TAC1: variants seen among roughly 807,000 people sequenced by gnomAD.
The protein encoded by TAC1 is tachykinin precursor 1.
In TAC1, 12 loss-of-function variants were observed where a neutral mutation model predicts 21.7. The ratio of observed to expected loss-of-function variants is 0.55; its 90% confidence interval spans 0.35 to 0.89. The LOEUF is 0.89. Among genes scored for constraint, TAC1 ranks in the 40% least tolerant of loss-of-function variants. The probability of loss-of-function intolerance (pLI) is 0.01; values close to 1 mark genes in which losing one functional copy is unlikely to be tolerated. For missense variants in TAC1, 128 were observed against 151.4 expected (o/e 0.85, Z 0.81); for synonymous variants, 52 against 52.0 (o/e 1.00, Z 0.00).
At position 97,733,908 on chromosome 7, in the gene TAC1, A is replaced by G. The variant is rs1789499665; in HGVS notation, c.220+89A>G. ...GAGTACCCCAGGGTCTCTCGCTCTG[A>G]ATAGAGATTTCCACTCCAAGAGGGG... On this transcript the variant is annotated intron_variant, in intron 3 of 6. Coordinates refer to ENST00000319273, the MANE Select transcript of TAC1 (RefSeq NM_003182.3). The G allele has an allele frequency of 2.2e-5, 29 of 1,303,406 alleles. 1 individual carries two copies. In the South Asian group the frequency reaches 3.6e-4, roughly 16 times the overall value. The allele number at this position is 1,303,406 out of a possible 1,614,324, so 80.7% of individuals were successfully genotyped here. A position where few individuals can be genotyped will look rare whatever the true frequency, so the allele number is the denominator to read the frequency against.
At chr7:97,737,028 T>G (rs1248850984) in intron 6 of TAC1, among the ~76,000 whole-genome samples, 1 of 152,006 alleles carries the variant, frequency 6.6e-6, no homozygotes, top group Non-Finnish European at 1.5e-5. Context: ...TCGTATGATA[T>G]AAAGGCTGCA....
intron 3 of TAC1, 37 bp from the exon 4 acceptor site, chr7:97,734,211 T>G (rs1562784257): frequency 6.2e-6 from 10 of 1,605,084 alleles, no homozygotes; most frequent in African/African-American, 1.3e-5. Flanking sequence ...GCACGGTCAG[T>G]GGAACATGTA....
At position 97,732,909 on chromosome 7, in the gene TAC1, T is replaced by C; in HGVS notation, c.123+174T>C. On this transcript the variant is annotated intron_variant, in intron 2 of 6. Coordinates refer to ENST00000319273, the MANE Select transcript of TAC1 (RefSeq NM_003182.3). The surrounding 1 kb of genome is among the most constrained non-coding windows in gnomAD (Gnocchi z 6.2). ...TATTTCCCGGGTTCCCCACGGGATT[T>C]TGTGCCCACGATTCAAGTTTCTTCC... The C allele has an allele frequency of 2.3e-6, 2 of 875,928 alleles. No individual in the cohort carries two copies. Among genetic ancestry groups the C allele is most frequent in the East Asian group, 5.4e-5 (2 of 36,912 alleles). The allele number at this position is 875,928 out of a possible 1,614,324, so 54.3% of individuals were successfully genotyped here.
chr7:97,734,087 T>G, intron 3 of TAC1, 161 bp from the exon 4 acceptor site: 1 of 736,016 alleles, frequency 1.4e-6, no homozygotes, highest in Non-Finnish European at 2.2e-6. Flanking sequence ...GGCACGGGCC[T>G]CCAGGGGTAG....
Position 97,732,592 on chromosome 7 carries a change from A to AC in TAC1, c.-9-8dup. 6.2e-7 allele frequency: 1 copy of AC among 1,613,812 alleles called. No individual in the cohort carries two copies. Among genetic ancestry groups the AC allele is most frequent in the Non-Finnish European group, 8.5e-7 (1 of 1,179,944 alleles). On this transcript the variant is annotated splice_polypyrimidine_tract_variant and intron_variant, in intron 1 of 6. Transcript: ENST00000319273. This position sits in a 1 kb window ranked among gnomAD's most constrained non-coding sequence, Gnocchi z 6.2. ...TCTCTCTTTGGTGTCTTCTCCTCCT[A>AC]CCCCTTCCCAGAAATCCAACATGAA...
rs1789469606 is a variant in TAC1 at position 97,732,947 on chromosome 7, C to T, written c.123+212C>T. The T allele has an allele frequency of 3.3e-6, 2 of 606,126 alleles. No homozygotes were observed. Among genetic ancestry groups the T allele is most frequent in the Middle Eastern group, 4.8e-4 (1 of 2,088 alleles). The allele number at this position is 606,126 out of a possible 1,614,324, so 37.5% of individuals were successfully genotyped here. A position where few individuals can be genotyped will look rare whatever the true frequency, so the allele number is the denominator to read the frequency against. ...TCAAGTTTCTTCCCGAGGGCTGCAC[C>T]GTCCGGCCCAGGAACTCCCTGCAGT... On this transcript the variant is annotated intron_variant, in intron 2 of 6. Coordinates refer to ENST00000319273, the MANE Select transcript of TAC1 (RefSeq NM_003182.3). The surrounding 1 kb of genome is among the most constrained non-coding windows in gnomAD (Gnocchi z 6.2).
At chr7:97,737,425 T>C (rs926720868) in intron 6 of TAC1, among the ~76,000 whole-genome samples, 4 of 152,000 alleles carry the variant, frequency 2.6e-5, no homozygotes, top group Non-Finnish European at 5.9e-5. Flanking sequence ...ATTTTTTTCT[T>C]TATTGTGAAA....
In TAC1 at chr7:97,732,925, A is replaced by G; in HGVS notation, c.123+190A>G. Reference sequence around the variant, plus strand: ...CACGGGATTTTGTGCCCACGATTCAAGTTTCTTCCCGAGGGCTGCACCGTC... The same window carrying G: ...CACGGGATTTTGTGCCCACGATTCAGGTTTCTTCCCGAGGGCTGCACCGTC... On this transcript the variant is annotated intron_variant, in intron 2 of 6. Coordinates refer to ENST00000319273, the MANE Select transcript of TAC1 (RefSeq NM_003182.3). This position sits in a 1 kb window ranked among gnomAD's most constrained non-coding sequence, Gnocchi z 6.2. The G allele has an allele frequency of 1.3e-6, 1 of 775,572 alleles. No homozygotes were observed. Among genetic ancestry groups the G allele is most frequent in the East Asian group, 2.8e-5 (1 of 35,794 alleles). 48.0% of individuals were successfully genotyped at this position (775,572 alleles called of 1,614,324 possible).
chr7:97,738,694 A>C (rs537475175), intron 6 of TAC1, among the ~76,000 whole-genome samples: 4 of 152,122 alleles, frequency 2.6e-5, no homozygotes, highest in African/African-American at 4.8e-5. Context: ...TAAAAGAGGG[A>C]AGTGATAATA....
intron 6 of TAC1, among the ~76,000 whole-genome samples, chr7:97,738,997 A>AATATAATATAATATAATAT (rs1789638830): frequency 1.3e-5 from 2 of 148,436 alleles, no homozygotes. Flanking sequence ...TATATATAAT[A>AATATAATATAATATAATAT]AATATAATAT....
At chr7:97,733,690 T>C (rs1562784003) in intron 2 of TAC1, 33 bp from the exon 3 acceptor site, 2 of 1,611,074 alleles carry the variant, frequency 1.2e-6, no homozygotes, top group Non-Finnish European at 1.7e-6. Flanking sequence ...CTGGTTGCCT[T>C]ACACGCCCTT....
rs1382149331 is a variant in TAC1, at chr7:97,732,987, G to A, written c.123+252G>A. 1 of 417,362 alleles carries A rather than the reference G, an allele frequency of 2.4e-6. No individual in the cohort carries two copies. 25.9% of individuals were successfully genotyped at this position (417,362 alleles called of 1,614,324 possible). On this transcript the variant is annotated intron_variant, in intron 2 of 6. Transcript: ENST00000319273. This position sits in a 1 kb window ranked among gnomAD's most constrained non-coding sequence, Gnocchi z 6.2. ...CTCCCTGCAGTAGGGATGCCCTCCC[G>A]GATGAGCCCGAGATCCTCACAAGGC...
At chr7:97,735,736 G>C (rs781101709) in intron 5 of TAC1, among the ~76,000 whole-genome samples, 2 of 152,040 alleles carry the variant, frequency 1.3e-5, no homozygotes, top group African/African-American at 4.8e-5. Context: ...ACTTTGAAGA[G>C]AATTATATAT....
At chr7:97,734,388 C>A in intron 4 of TAC1, 96 bp downstream of exon 4, 3 of 1,090,330 alleles carry the variant, frequency 2.8e-6, no homozygotes, top group South Asian at 1.4e-5. Flanking sequence ...AGATCTGGGT[C>A]ATGCCTGTTT....
chr7:97,735,928 A>G (rs1261513224), intron 5 of TAC1, among the ~76,000 whole-genome samples: 1 of 152,108 alleles, frequency 6.6e-6, no homozygotes, highest in African/African-American at 2.4e-5. Flanking sequence ...CTTATTAATA[A>G]CACAAGGAAT....
chr7:97,733,395 G>T (rs1422948807), intron 2 of TAC1, among the ~76,000 whole-genome samples: 1 of 152,050 alleles, frequency 6.6e-6, no homozygotes, highest in African/African-American at 2.4e-5. Flanking sequence ...TACAAAGCCG[G>T]CACCGAGACA....
chr7:97,733,768 C>T lies in TAC1; in HGVS notation c.169C>T (p.Arg57Trp), dbSNP rs771238137. Residue 57 changes from arginine (R) to tryptophan (W), a missense_variant, in exon 3 of 7, where the codon CGG becomes TGG. Transcript: ENST00000319273. ...TGAGCATCTTCTGCAGAGAATCGCC[C>T]GGAGACCCAAGCCTCAGCAGTTCTT... ...PFEHLLQRIA[R>W]RPKPQQFFGL... 5 of 1,614,126 alleles carry T rather than the reference C, an allele frequency of 3.1e-6. No individual in the cohort carries two copies. Among genetic ancestry groups the T allele is most frequent in the East Asian group, 2.2e-5 (1 of 44,858 alleles).
intron 6 of TAC1, among the ~76,000 whole-genome samples, chr7:97,737,138 A>G (rs1414702136): frequency 6.6e-6 from 1 of 152,016 alleles, no homozygotes; most frequent in African/African-American, 2.4e-5. Flanking sequence ...ATTTCAATGT[A>G]AATAACCCCT....
At chr7:97,737,586 AC>A (rs1789606776) in intron 6 of TAC1, among the ~76,000 whole-genome samples, 1 of 152,074 alleles carries the variant, frequency 6.6e-6, no homozygotes, top group Non-Finnish European at 1.5e-5. Flanking sequence ...TTCATAATTG[AC>A]CTTTTGATAC....
Sources: allele counts gnomAD v4.1 joint callset (sites outside exome capture counted in the v4.1 genomes callset), GRCh38; gene constraint gnomAD v4.1.1; non-coding constraint Gnocchi (gnomAD v3.1); transcripts MANE v1.5; gene names NCBI Gene and HGNC (gene_info 2026-07-23, HGNC 2026-07-21).